METAP2: variants seen among roughly 807,000 people sequenced by gnomAD.
METAP2 encodes methionine aminopeptidase 2.
METAP2 carries 25 observed loss-of-function variants against 59.4 expected under a neutral mutation model. That is an observed-to-expected ratio of 0.42 (90% CI 0.31 to 0.59). The LOEUF is 0.59. Ranked by LOEUF, METAP2 falls within the 20% of genes least tolerant of loss-of-function variation. METAP2 has a pLI of 0.16. For missense variants in METAP2, 366 were observed against 581.2 expected (o/e 0.63, Z 3.81); for synonymous variants, 214 against 194.1 (o/e 1.10, Z -0.85).
intron 7 of METAP2, among the ~76,000 whole-genome samples, chr12:95,498,731 G>T (rs192572323): frequency 3.9e-5 from 6 of 152,278 alleles, no homozygotes; most frequent in Non-Finnish European, 7.4e-5. Context: ...AAGCTCATCT[G>T]GGTCAGGCAC....
At chr12:95,509,511 CAGA>C (rs2076385749) in intron 8 of METAP2, among the ~76,000 whole-genome samples, 1 of 152,182 alleles carries the variant, frequency 6.6e-6, no homozygotes, top group Non-Finnish European at 1.5e-5. Context: ...AGTTGTTGGG[CAGA>C]TGTCCTTGCA....
At chr12:95,482,296 A>G (rs1243932819) in intron 2 of METAP2, 4 of 362,902 alleles carry the variant, frequency 1.1e-5, no homozygotes, top group South Asian at 6.1e-5. Context: ...TACTTTTAGT[A>G]GAGACAGGGT....
rs2076434514 is a variant in METAP2, at chr12:95,514,841, C to T, written c.*937C>T. ...TTAAGTTGAAATTCTTGGACTTTTT[C>T]ATTCATGAGGCAAATGCTGTAATAC... On this transcript the variant is annotated 3_prime_UTR_variant, in exon 11 of 11. Transcript: ENST00000323666. 1 of 150,208 alleles carries T rather than the reference C, an allele frequency of 6.7e-6. No individual in the cohort carries two copies. Among genetic ancestry groups the T allele is most frequent in the African/African-American group, 2.5e-5 (1 of 39,798 alleles). 9.3% of individuals were successfully genotyped at this position (150,208 alleles called of 1,614,324 possible). A position where few individuals can be genotyped will look rare whatever the true frequency, so the allele number is the denominator to read the frequency against.
intron 9 of METAP2, 73 bp from the exon 10 acceptor site, chr12:95,512,724 GAGAA>G (rs1305819254): frequency 3.7e-6 from 3 of 801,164 alleles, no homozygotes; most frequent in African/African-American, 1.7e-5. Context: ...AAGAGAGAGA[GAGAA>G]AGAGAGATGG....
At chr12:95,512,701 ACT>A (rs1403406313) in intron 9 of METAP2, 98 bp from the exon 10 acceptor site, 5 of 675,534 alleles carry the variant, frequency 7.4e-6, no homozygotes, top group Admixed American at 5.3e-5. Context: ...GCAGAGAGAG[ACT>A]CTGTCTCAAA....
At chr12:95,482,515 C>T (rs2076166215) in intron 2 of METAP2, among the ~76,000 whole-genome samples, 1 of 151,914 alleles carries the variant, frequency 6.6e-6, no homozygotes, top group South Asian at 2.1e-4. Flanking sequence ...TACAGTGGCT[C>T]ACGCCTATAA....
chr12:95,474,834 G>C (rs1373265311), intron 1 of METAP2, among the ~76,000 whole-genome samples: 2 of 152,132 alleles, frequency 1.3e-5, no homozygotes, highest in African/African-American at 4.8e-5. Flanking sequence ...GGTTGTTGCA[G>C]CCTGCACTTT....
chr12:95,502,949 A>AT (rs71307542), intron 7 of METAP2, among the ~76,000 whole-genome samples: 40,620 of 134,162 alleles, frequency 0.3, 6,396 homozygotes, highest in East Asian at 0.5. Context: ...TTGTTCATAC[A>AT]TTTTTTTTTT....
intron 9 of METAP2, 89 bp from the exon 10 acceptor site, chr12:95,512,710 CAA>C (rs2076412408): frequency 1.4e-6 from 1 of 736,056 alleles, no homozygotes; most frequent in Admixed American, 2.5e-5. Flanking sequence ...GACTCTGTCT[CAA>C]AAAGAGAGAG....
At chr12:95,481,857 A>G (rs2076160618) in intron 2 of METAP2, among the ~76,000 whole-genome samples, 1 of 152,214 alleles carries the variant, frequency 6.6e-6, no homozygotes. Flanking sequence ...ACAACCTAAA[A>G]CAAATACTTC....
At chr12:95,502,090 C>G (rs574572477) in intron 7 of METAP2, among the ~76,000 whole-genome samples, 1 of 151,596 alleles carries the variant, frequency 6.6e-6, no homozygotes, top group Non-Finnish European at 1.5e-5. Flanking sequence ...GCATCCTCGA[C>G]CTCCTGGGCT....
In METAP2 at chr12:95,474,168, C is replaced by G. The variant is rs780445023; in HGVS notation, c.-12C>G. ...CCGCTCTGTCTCATTCCCTCGCGCT[C>G]TCTCGGGCAACATGGCGGGTGTGGA... On this transcript the variant is annotated 5_prime_UTR_variant, in exon 1 of 11. Coordinates refer to ENST00000323666, the MANE Select transcript of METAP2 (RefSeq NM_006838.4). 6.2e-7 allele frequency: 1 copy of G among 1,613,222 alleles called. No individual in the cohort carries two copies. Among genetic ancestry groups the G allele is most frequent in the East Asian group, 2.2e-5 (1 of 44,866 alleles).
chr12:95,490,985 C>G (rs969385605), intron 4 of METAP2, among the ~76,000 whole-genome samples: 2 of 151,928 alleles, frequency 1.3e-5, no homozygotes, highest in African/African-American at 4.8e-5. Context: ...TTATGACCTT[C>G]ACATTGTACC....
Position 95,514,269 on chromosome 12 carries a change from C to T in METAP2, c.*365C>T, listed in dbSNP as rs2076427744. The T allele has an allele frequency of 5.5e-6, 1 of 182,316 alleles. No homozygotes were observed. Among genetic ancestry groups the T allele is most frequent in the South Asian group, 1.8e-4 (1 of 5,572 alleles). The allele number at this position is 182,316 out of a possible 1,614,324, so 11.3% of individuals were successfully genotyped here. ...TTGAATGACTACATCCAGTTCTGCA[C>T]CTATACCCTCTGGTGTTGCTTTTTA... On this transcript the variant is annotated 3_prime_UTR_variant, in exon 11 of 11. Coordinates refer to ENST00000323666, the MANE Select transcript of METAP2 (RefSeq NM_006838.4).
chr12:95,474,707 T>C (rs2076104885), intron 1 of METAP2, among the ~76,000 whole-genome samples: 1 of 152,212 alleles, frequency 6.6e-6, no homozygotes, highest in South Asian at 2.1e-4. Flanking sequence ...AATCCGATTC[T>C]GATCCGTATT....
rs200917784 is a variant in METAP2 at position 95,485,881 on chromosome 12, A to G, written c.328A>G (p.Lys110Glu). Reference protein sequence around the residue: ...KKKKKKKRGPKVQTDPPSVPI... With the variant: ...KKKKKKKRGPEVQTDPPSVPI... ...AATGCTTTATTTGTATCTCACAGCA[A>G]AAGTTCAAACAGACCCTCCCTCAGT... Residue 110 changes from lysine (K) to glutamate (E), a missense_variant and splice_region_variant, in exon 4 of 11, where the codon AAA (lysine) becomes GAA (glutamate). By Grantham distance (56) the Lys-to-Glu change is moderately conservative. Around this residue, in one of 4 missense-constraint regions of METAP2, gnomAD observed 177 missense variants for 180.3 expected, o/e 0.98. Transcript: ENST00000323666. The G allele has an allele frequency of 2.0e-5, 31 of 1,549,290 alleles. No individual in the cohort carries two copies. Among genetic ancestry groups the G allele is most frequent in the African/African-American group, 2.8e-5 (2 of 71,242 alleles).
chr12:95,513,035 G>A, intron 10 of METAP2, 119 bp downstream of exon 10: 1 of 551,574 alleles, frequency 1.8e-6, no homozygotes, highest in Non-Finnish European at 3.1e-6. Flanking sequence ...GAGTTCTGTA[G>A]CCCAACAATA....
At chr12:95,511,046 C>A (rs2076397962) in intron 8 of METAP2, among the ~76,000 whole-genome samples, 1 of 152,070 alleles carries the variant, frequency 6.6e-6, no homozygotes, top group African/African-American at 2.4e-5. Flanking sequence ...CGTGAATATG[C>A]CACAATTTGT....
intron 4 of METAP2, among the ~76,000 whole-genome samples, chr12:95,489,597 CTT>C (rs1170411129): frequency 6.6e-6 from 1 of 152,122 alleles, no homozygotes; most frequent in Admixed American, 6.6e-5. Context: ...TATTAATAAA[CTT>C]TTATTAGAAA....
Sources: gnomAD v4.1 joint callset for allele counts (sites outside exome capture counted in the v4.1 genomes callset) on GRCh38, gnomAD v4.1.1 for gene constraint, gnomAD v4.1.1 regional missense constraint, MANE v1.5 for transcripts, NCBI Gene and HGNC (gene_info 2026-07-23, HGNC 2026-07-21) for gene names.